The following CEP164 variants were observed in gnomAD, a reference collection of about 807,000 sequenced individuals.
The protein encoded by CEP164 is centrosomal protein of 164 kDa.
Under a neutral mutation model 182.7 loss-of-function variants are expected in CEP164, and 162 were observed. That is an observed-to-expected ratio of 0.89 (90% confidence interval 0.78 to 1.01). The LOEUF is 1.01. Among genes scored for constraint, CEP164 ranks in the 50% least tolerant of loss-of-function variants. CEP164 has a pLI of 0.00. For synonymous variants in CEP164, 661 were observed against 690.0 expected (o/e 0.96, Z 0.66); for missense variants, 1,735 against 1,790.4 (o/e 0.97, Z 0.56).
chr11:117,361,125 G>A, intron 5 of CEP164, among the ~76,000 whole-genome samples: 1 of 150,662 alleles, frequency 6.6e-6, no homozygotes, highest in East Asian at 2.0e-4. Flanking sequence ...AGTAGAGACA[G>A]GGTTTCACCA....
rs1199425322 is a variant in CEP164, at chr11:117,339,515, G to GTTTTT, written c.82+849_82+853dup. On this transcript the variant is annotated intron_variant, in intron 3 of 32. Coordinates refer to ENST00000278935, the MANE Select transcript of CEP164 (RefSeq NM_014956.5). ...GTATTACCTTATTACCTTTTCCTTTGTTTTTTGTTTTTTTTTTTTTTTTTT... is the reference window on the plus strand; with the variant it reads ...GTATTACCTTATTACCTTTTCCTTTGTTTTTTTTTTTGTTTTTTTTTTTTTTTTTT... Among the ~76,000 whole-genome samples the GTTTTT allele has an allele frequency of 3.1e-4, 28 of 90,868 alleles. 1 individual carries two copies. The highest frequency in any genetic ancestry group is 1.5e-3 in the East Asian group (4 of 2,750). 59.6% of individuals were successfully genotyped at this position (90,868 alleles called of 152,430 possible). A position where few individuals can be genotyped will look rare whatever the true frequency, so the allele number is the denominator to read the frequency against.
rs753347841 is a variant in CEP164, at chr11:117,394,387, C to A, written c.2654C>A (p.Thr885Asn). Residue 885 changes from threonine (T) to asparagine (N), a missense_variant, in exon 21 of 33, where the codon ACC becomes AAC. Coordinates refer to ENST00000278935, the MANE Select transcript of CEP164 (RefSeq NM_014956.5). The surrounding 1 kb of genome is among the most constrained non-coding windows in gnomAD (Gnocchi z 4.0). The stretch of plus-strand genomic sequence containing the variant: ...CGGGCTGAGCTTCTGGGGCACCTGA[C>A]CGGAGAGCTGGAGCGCCTGCAGAGG... ...KQRAELLGHLTGELERLQRAH... is the reference protein window; with the variant it reads ...KQRAELLGHLNGELERLQRAH... The A allele has an allele frequency of 1.2e-6, 2 of 1,610,356 alleles. No individual in the cohort carries two copies. The highest frequency in any genetic ancestry group is 1.7e-5 in the Admixed American group (1 of 59,314).
intron 15 of CEP164, among the ~76,000 whole-genome samples, chr11:117,387,633 G>A (rs1180799540): frequency 2.6e-5 from 4 of 152,164 alleles, no homozygotes; most frequent in East Asian, 1.9e-4. Context: ...TCTTTACCCC[G>A]TAGAATAAAA....
chr11:117,393,034 G>T lies in CEP164; in HGVS notation c.2524G>T (p.Glu842Ter). 6.2e-7 allele frequency: 1 copy of T among 1,613,690 alleles called. No homozygotes were observed. Among genetic ancestry groups the T allele is most frequent in the Non-Finnish European group, 8.5e-7 (1 of 1,179,904 alleles). Residue 842 changes from glutamate to a stop codon, truncating the protein, a stop_gained, in exon 20 of 33, where the codon GAA becomes TAA. Coordinates refer to ENST00000278935, the MANE Select transcript of CEP164 (RefSeq NM_014956.5). LOFTEE classifies it high-confidence loss of function. ...LSSLLREKRQ[E>*]VEGEHERRLD... ...CAGTCTCCTGCGAGAGAAGCGCCAG[G>T]AAGTGGAAGGGGAGCATGAGAGGAG...
chr11:117,324,522 G>A (rs560134578), upstream of CEP164, among the ~76,000 whole-genome samples: 1 of 151,846 alleles, frequency 6.6e-6, no homozygotes, highest in South Asian at 2.1e-4. Context: ...TTGCCTTGGG[G>A]GCATTTTATA....
At chr11:117,364,820 C>A (rs942414526) in intron 8 of CEP164, among the ~76,000 whole-genome samples, 1 of 152,166 alleles carries the variant, frequency 6.6e-6, no homozygotes, top group Non-Finnish European at 1.5e-5. Flanking sequence ...TGTAGTTAGA[C>A]TTTGCCTGTA....
chr11:117,401,921 A>T (rs192068811), intron 27 of CEP164, among the ~76,000 whole-genome samples: 1 of 152,260 alleles, frequency 6.6e-6, no homozygotes, highest in Admixed American at 6.5e-5. Flanking sequence ...TCAAAGAACC[A>T]GCTCCTGGAT....
chr11:117,326,931 G>A (rs888801027), upstream of CEP164, among the ~76,000 whole-genome samples: 5 of 152,216 alleles, frequency 3.3e-5, no homozygotes, highest in African/African-American at 1.2e-4. Flanking sequence ...GGAGGTTGGA[G>A]ACATATGAGA....
At position 117,388,940 on chromosome 11, in the gene CEP164, T is replaced by TA. The variant is rs370747346; in HGVS notation, c.1934+1528_1934+1529insA. Among the ~76,000 whole-genome samples, 1,209 of 152,012 alleles carry TA rather than the reference T, an allele frequency of 8.0e-3. 16 individuals carry two copies. Among genetic ancestry groups the TA allele is most frequent in the African/African-American group, 0.028 (1,161 of 41,436 alleles). On this transcript the variant is annotated intron_variant, in intron 15 of 32. Transcript: ENST00000278935. ...GCCACCATGCCTGGCTAATTTTTTT[T>TA]TTTTTATTTTTAGTAGAGACGGGGT...
chr11:117,369,085 C>T (rs181861560), intron 8 of CEP164, among the ~76,000 whole-genome samples: 1 of 152,296 alleles, frequency 6.6e-6, no homozygotes, highest in African/African-American at 2.4e-5. Context: ...AGCTCAATTC[C>T]TTGAGGGCAG....
chr11:117,394,964 T>C lies in CEP164; in HGVS notation c.2805T>C (p.Ala935=). 1 of 1,614,190 alleles carries C rather than the reference T, an allele frequency of 6.2e-7. No homozygotes were observed. Among genetic ancestry groups the C allele is most frequent in the East Asian group, 2.2e-5 (1 of 44,882 alleles). Residue 935 remains alanine, a synonymous_variant, in exon 22 of 33, where the codon GCT becomes GCC. Transcript: ENST00000278935. This position sits in a 1 kb window ranked among gnomAD's most constrained non-coding sequence, Gnocchi z 4.0. ...TAGAGTTGGACCTTGAAACCAGAGC[T>C]AAAGATGTCAAGGCCAGATTGGCTC... ...QDLELDLETR[A]KDVKARLALL...
chr11:117,365,917 T>G (rs1249271270), intron 8 of CEP164, among the ~76,000 whole-genome samples: 2 of 152,174 alleles, frequency 1.3e-5, no homozygotes, highest in Non-Finnish European at 2.9e-5. Flanking sequence ...TTCTGATGAC[T>G]ATGTGCTTCT....
intron 1 of CEP164, among the ~76,000 whole-genome samples, chr11:117,334,202 C>T (rs555782954): frequency 4.6e-5 from 7 of 152,276 alleles, no homozygotes; most frequent in Middle Eastern, 3.4e-3. Flanking sequence ...AATAAATGCA[C>T]GTGGTAGGTG....
chr11:117,357,122 G>C (rs1272302778), intron 5 of CEP164, among the ~76,000 whole-genome samples: 1 of 152,126 alleles, frequency 6.6e-6, no homozygotes, highest in African/African-American at 2.4e-5. Context: ...TTTTTAGACA[G>C]GGTTTTGTTC....
intron 12 of CEP164, 96 bp from the exon 13 acceptor site, chr11:117,381,605 A>G: frequency 7.3e-7 from 1 of 1,367,208 alleles, no homozygotes; most frequent in Non-Finnish European, 9.8e-7. Context: ...ACCCAGGAGG[A>G]GGCAATGACC....
At chr11:117,343,429 C>A (rs1319422956) in intron 3 of CEP164, among the ~76,000 whole-genome samples, 1 of 152,124 alleles carries the variant, frequency 6.6e-6, no homozygotes, top group Non-Finnish European at 1.5e-5. Context: ...CCTCAAGGAG[C>A]TTAGTCACTT....
In CEP164 at chr11:117,411,256, T is replaced by C; in HGVS notation, c.4163+362T>C. The C allele has an allele frequency of 3.7e-6, 1 of 273,232 alleles. No homozygotes were observed. The highest frequency in any genetic ancestry group is 7.1e-6 in the Non-Finnish European group (1 of 141,126). The allele number at this position is 273,232 out of a possible 1,614,324, so 16.9% of individuals were successfully genotyped here. On this transcript the variant is annotated intron_variant, in intron 31 of 32. Transcript: ENST00000278935. The surrounding 1 kb of genome is among the most constrained non-coding windows in gnomAD (Gnocchi z 4.4). ...CGGAGTCTGGCCTTTGTCTTTGCCC[T>C]TGAGCTCTTGTTTGCTTCCTGTGGC...
chr11:117,333,832 A>C (rs1029627259), intron 1 of CEP164, among the ~76,000 whole-genome samples: 1 of 152,162 alleles, frequency 6.6e-6, no homozygotes, highest in Admixed American at 6.5e-5. Flanking sequence ...CACTGTGCCC[A>C]GCCCTAGTTC....
At chr11:117,406,730 G>A (rs1417763325) in intron 27 of CEP164, among the ~76,000 whole-genome samples, 1 of 152,156 alleles carries the variant, frequency 6.6e-6, no homozygotes, top group East Asian at 1.9e-4. Flanking sequence ...TATTAGTTGG[G>A]ATCACAGATC....
Sources: allele counts gnomAD v4.1 joint callset (sites outside exome capture counted in the v4.1 genomes callset), GRCh38; gene constraint gnomAD v4.1.1; non-coding constraint Gnocchi (gnomAD v3.1); transcripts MANE v1.5; gene names NCBI Gene and HGNC (gene_info 2026-07-23, HGNC 2026-07-21).